TSBP1: variants seen among roughly 807,000 people sequenced by gnomAD.
The protein encoded by TSBP1 is testis-expressed basic protein 1.
TSBP1 carries 56 observed loss-of-function variants against 68.8 expected under a neutral mutation model. That is an observed-to-expected ratio of 0.81 (90% confidence interval 0.66 to 1.02). The LOEUF (loss-of-function observed/expected upper bound fraction) is 1.02. Among genes scored for constraint, TSBP1 ranks in the 50% least tolerant of loss-of-function variants. TSBP1 has a pLI of 0.00. For missense variants in TSBP1, 502 were observed against 641.2 expected (o/e 0.78, Z 2.34); for synonymous variants, 171 against 208.7 (o/e 0.82, Z 1.56).
chr6:32,364,642 T>C (rs1474971865), intron 6 of TSBP1, among the ~76,000 whole-genome samples: 1 of 152,142 alleles, frequency 6.6e-6, no homozygotes, highest in Non-Finnish European at 1.5e-5. Flanking sequence ...CTGATGTCAT[T>C]ATATTGTTTG....
At position 32,337,767 on chromosome 6, in the gene TSBP1, A is replaced by G. The variant is rs926593; in HGVS notation, c.410-1132T>C. 0.063 allele frequency among the ~76,000 whole-genome samples: 9,542 copies of G among 152,238 alleles called. 462 individuals are homozygous for G. The highest frequency in any genetic ancestry group is 0.11 in the Non-Finnish European group (7,239 of 68,016). On this transcript the variant is annotated intron_variant, in intron 11 of 22. Coordinates refer to ENST00000612031, the Ensembl canonical transcript of TSBP1. This position sits in a 1 kb window ranked among gnomAD's most constrained non-coding sequence, Gnocchi z 5.5. ...CACCTTGGCCTCCCAAAGTGCTGGG[A>G]TTACATGTATGAGCCACTGTGCTTG...
intron 14 of TSBP1, among the ~76,000 whole-genome samples, chr6:32,334,977 T>A (rs1356787802): frequency 6.6e-6 from 1 of 152,014 alleles, no homozygotes; most frequent in Non-Finnish European, 1.5e-5. Flanking sequence ...GAGCTTGCAG[T>A]GAGTGGAGAT....
In TSBP1 at chr6:32,327,400, A is replaced by G. The variant is rs536087343; in HGVS notation, c.514+3189T>C. Among the ~76,000 whole-genome samples the G allele has an allele frequency of 2.4e-4, 36 of 152,320 alleles. No homozygotes were observed. The South Asian group carries it at 3.3e-3, about 14-fold the overall frequency. On this transcript the variant is annotated intron_variant, in intron 16 of 22. Transcript: ENST00000612031. ...CTCCCTTGATAGGCTTAAAGAGGGT[A>G]ACTGCAGAGAGGATATGGGGGGCCC... is the stretch of plus-strand genomic sequence containing the variant.
rs1387722718 is a variant in TSBP1, at chr6:32,302,148, G to A, written c.601+461C>T. ...TGAGTAGTTGTGACAGAGACTTTAA[G>A]GCTTATAAAATTTAAAATATTTGGC... On this transcript the variant is annotated intron_variant, in intron 20 of 22. Transcript: ENST00000612031. This position sits in a 1 kb window ranked among gnomAD's most constrained non-coding sequence, Gnocchi z 5.1. Among the ~76,000 whole-genome samples the A allele has an allele frequency of 1.3e-5, 2 of 151,864 alleles. No homozygotes were observed. The highest frequency in any genetic ancestry group is 2.9e-5 in the Non-Finnish European group (2 of 67,966).
In TSBP1 at chr6:32,338,527, C is replaced by G. The variant is rs909714085; in HGVS notation, c.409+452G>C. On this transcript the variant is annotated intron_variant, in intron 11 of 22. Transcript: ENST00000612031. The surrounding 1 kb of genome is among the most constrained non-coding windows in gnomAD (Gnocchi z 5.5). The stretch of plus-strand genomic sequence containing the variant: ...TAAAATTCTATCTGGATACTTATTT[C>G]AGATTTATTCTTTGTTCATAACAGG... 2.0e-5 allele frequency among the ~76,000 whole-genome samples: 3 copies of G among 152,130 alleles called. No homozygotes were observed. Among genetic ancestry groups the G allele is most frequent in the Non-Finnish European group, 2.9e-5 (2 of 68,028 alleles).
At chr6:32,324,697 A>T in intron 16 of TSBP1, 1 of 1,550,520 alleles carries the variant, frequency 6.4e-7, no homozygotes, top group Non-Finnish European at 8.7e-7. Context: ...ACAAGCAAAG[A>T]TACTTTTTGT....
Position 32,361,269 on chromosome 6 carries a change from T to C in TSBP1, c.217+4898A>G, listed in dbSNP as rs1343274836. On this transcript the variant is annotated intron_variant, in intron 6 of 22. Coordinates refer to ENST00000612031, the Ensembl canonical transcript of TSBP1. The surrounding 1 kb of genome is among the most constrained non-coding windows in gnomAD (Gnocchi z 4.3). ...GTATATGTGCCACATATTCTTAATC[T>C]GGTGTATCATTGATGGACTTTTGGG... Among the ~76,000 whole-genome samples the C allele has an allele frequency of 1.5e-4, 23 of 152,168 alleles. No individual in the cohort carries two copies. The highest frequency in any genetic ancestry group is 5.1e-4 in the African/African-American group (21 of 41,428).
At position 32,361,627 on chromosome 6, in the gene TSBP1, GTGA is replaced by G. The variant is rs1773031875; in HGVS notation, c.217+4537_217+4539del. Among the ~76,000 whole-genome samples the G allele has an allele frequency of 6.6e-6, 1 of 152,088 alleles. No homozygotes were observed. Among genetic ancestry groups the G allele is most frequent in the African/African-American group, 2.4e-5 (1 of 41,426 alleles). ...TTGATTTGCATTTCTCTGATGGCCA[GTGA>G]TGATGAGTATTTTTTCATATGTCTG... On this transcript the variant is annotated intron_variant, in intron 6 of 22. Coordinates refer to ENST00000612031, the Ensembl canonical transcript of TSBP1. The surrounding 1 kb of genome is among the most constrained non-coding windows in gnomAD (Gnocchi z 4.3).
chr6:32,305,997 C>T (rs940944078), intron 19 of TSBP1, among the ~76,000 whole-genome samples: 3 of 152,182 alleles, frequency 2.0e-5, no homozygotes, highest in Admixed American at 6.5e-5. Context: ...CAATTATTCT[C>T]ATTGGTGGAA....
rs764685140 is a variant in TSBP1, at chr6:32,357,227, G to GT, written c.218-1559dup. ...TGACTTATTGAAACAACAATAAAAT[G>GT]TTTACTGATTCAAGTTTTTCCTTAA... On this transcript the variant is annotated intron_variant, in intron 6 of 22. Transcript: ENST00000612031. This position sits in a 1 kb window ranked among gnomAD's most constrained non-coding sequence, Gnocchi z 4.7. Among the ~76,000 whole-genome samples the GT allele has an allele frequency of 3.9e-5, 6 of 152,270 alleles. No homozygotes were observed. The highest frequency in any genetic ancestry group is 3.9e-4 in the East Asian group (2 of 5,188).
Position 32,361,837 on chromosome 6 carries a change from C to A in TSBP1, c.217+4330G>T, listed in dbSNP as rs1224017716. On this transcript the variant is annotated intron_variant, in intron 6 of 22. Transcript: ENST00000612031. This position sits in a 1 kb window ranked among gnomAD's most constrained non-coding sequence, Gnocchi z 4.3. Reference sequence around the variant, plus strand: ...TTGGATATTACTGTGGTTTTAATGTCCTCTCCGAAACTCATGTTGAAACTT... The same window carrying A: ...TTGGATATTACTGTGGTTTTAATGTACTCTCCGAAACTCATGTTGAAACTT... Among the ~76,000 whole-genome samples, 1 of 151,942 alleles carries A rather than the reference C, an allele frequency of 6.6e-6. No homozygotes were observed. Among genetic ancestry groups the A allele is most frequent in the African/African-American group, 2.4e-5 (1 of 41,326 alleles).
In TSBP1 at chr6:32,315,434, C is replaced by A. The variant is rs1433723198; in HGVS notation, c.580+338G>T. Among the ~76,000 whole-genome samples the A allele has an allele frequency of 6.6e-6, 1 of 152,114 alleles. No homozygotes were observed. The highest frequency in any genetic ancestry group is 2.4e-5 in the African/African-American group (1 of 41,424). The stretch of plus-strand genomic sequence containing the variant: ...ATAATTAGCTGGGCATGGTGGCTTG[C>A]ACCTGTATTGCTAGCCACTTGGGAG... On this transcript the variant is annotated intron_variant, in intron 19 of 22. Transcript: ENST00000612031. This position sits in a 1 kb window ranked among gnomAD's most constrained non-coding sequence, Gnocchi z 5.4.
At position 32,333,285 on chromosome 6, in the gene TSBP1, C is replaced by T. The variant is rs1031782048; in HGVS notation, c.473-1231G>A. Reference sequence around the variant, plus strand: ...TTAGCCTCCCAAAGTGCTGGGATTACTGCACCCAGCCGAAAGCCTGTTATG... The same window carrying T: ...TTAGCCTCCCAAAGTGCTGGGATTATTGCACCCAGCCGAAAGCCTGTTATG... On this transcript the variant is annotated intron_variant, in intron 14 of 22. Transcript: ENST00000612031. The surrounding 1 kb of genome is among the most constrained non-coding windows in gnomAD (Gnocchi z 4.2). Among the ~76,000 whole-genome samples, 100 of 152,272 alleles carry T rather than the reference C, an allele frequency of 6.6e-4. No homozygotes were observed. The highest frequency in any genetic ancestry group is 2.3e-3 in the African/African-American group (97 of 41,538).
At chr6:32,370,407 G>GTGTGTGTA (rs1241237254) in intron 1 of TSBP1, among the ~76,000 whole-genome samples, 53 of 130,704 alleles carry the variant, frequency 4.1e-4, no homozygotes, top group African/African-American at 1.3e-3. Flanking sequence ...AAGATTTTCT[G>GTGTGTGTA]TATATATATA....
chr6:32,294,607 T>C (rs959963620), intron 22 of TSBP1, among the ~76,000 whole-genome samples: 2 of 152,222 alleles, frequency 1.3e-5, no homozygotes, highest in African/African-American at 4.8e-5. Flanking sequence ...ATTTTACAGA[T>C]GAAGAAACTG....
intron 6 of TSBP1, among the ~76,000 whole-genome samples, chr6:32,362,799 T>G (rs576205968): frequency 4.6e-5 from 7 of 152,366 alleles, no homozygotes; most frequent in African/African-American, 1.7e-4. Flanking sequence ...CAATCCATTT[T>G]GAATTGATCT....
At chr6:32,305,286 A>G (rs1440071808) in intron 19 of TSBP1, among the ~76,000 whole-genome samples, 2 of 152,176 alleles carry the variant, frequency 1.3e-5, no homozygotes, top group Admixed American at 6.5e-5. Flanking sequence ...AGGAGACAAG[A>G]TAAGGGTAAT....
In TSBP1 at chr6:32,344,661, A is replaced by G. The variant is rs186179246; in HGVS notation, c.350-5023T>C. Among the ~76,000 whole-genome samples, 305 of 152,260 alleles carry G rather than the reference A, an allele frequency of 2.0e-3. 4 individuals carry two copies. Among genetic ancestry groups the G allele is most frequent in the Non-Finnish European group, 3.4e-4 (23 of 68,016 alleles). On this transcript the variant is annotated intron_variant, in intron 9 of 22. Coordinates refer to ENST00000612031, the Ensembl canonical transcript of TSBP1. ...CCTCACACTACCCTCACCAGGGAGC[A>G]TCAAATCCTCTATGCCAGCTGTAGT...
chr6:32,362,072 C>T (rs1448695420), intron 6 of TSBP1, among the ~76,000 whole-genome samples: 2 of 151,908 alleles, frequency 1.3e-5, no homozygotes, highest in African/African-American at 2.4e-5. Context: ...GGGCGGATCA[C>T]GAGGTCAGGA....
Sources: allele counts gnomAD v4.1 joint callset (sites outside exome capture counted in the v4.1 genomes callset), GRCh38; gene constraint gnomAD v4.1.1; non-coding constraint Gnocchi (gnomAD v3.1); transcripts MANE v1.5; gene names NCBI Gene and HGNC (gene_info 2026-07-23, HGNC 2026-07-21).